Variants in MRPL39 observed in about 807,000 individuals in gnomAD.
MRPL39 encodes large ribosomal subunit protein mL39.
In MRPL39, 35 loss-of-function variants were observed where a neutral mutation model predicts 44.5. The ratio of observed to expected loss-of-function variants is 0.79; its 90% CI spans 0.60 to 1.04. The LOEUF (loss-of-function observed/expected upper bound fraction) is 1.04, where lower values mean the gene tolerates loss of function less well. Among genes scored for constraint, MRPL39 ranks in the 50% least tolerant of loss-of-function variants. The pLI, the probability that MRPL39 is intolerant of heterozygous loss-of-function variation, is 0.00. For missense variants in MRPL39, 433 were observed against 413.5 expected (o/e 1.05, Z -0.41); for synonymous variants, 139 against 136.1 (o/e 1.02, Z -0.15).
chr21:25,607,601 C>CG, upstream of MRPL39: 2 of 930,952 alleles, frequency 2.1e-6, no homozygotes, highest in South Asian at 1.7e-5. Flanking sequence ...TCGCCTCCAC[C>CG]GGGGGGCGTC....
intron 6 of MRPL39, among the ~76,000 whole-genome samples, chr21:25,596,081 T>C (rs1377957300): frequency 6.6e-6 from 1 of 152,244 alleles, no homozygotes; most frequent in Non-Finnish European, 1.5e-5. Context: ...TGGGAGACCG[T>C]TGAGTGCGAT....
In MRPL39 at chr21:25,604,053, T is replaced by C. The variant is rs1308813926; in HGVS notation, c.281-118A>G. ...GCAAGATTCTGCAGACTGTCCTTTTTAGAGAAAAAAAGTATATTACGTCTA... is the reference window on the plus strand; with the variant it reads ...GCAAGATTCTGCAGACTGTCCTTTTCAGAGAAAAAAAGTATATTACGTCTA... On this transcript the variant is annotated intron_variant, in intron 2 of 9. Coordinates refer to ENST00000352957, the MANE Select transcript of MRPL39 (RefSeq NM_017446.4). The C allele has an allele frequency of 2.2e-5, 22 of 985,276 alleles. No individual in the cohort carries two copies. The Admixed American group carries it at 5.2e-4, about 23-fold the overall frequency. The allele number at this position is 985,276 out of a possible 1,614,324, so 61.0% of individuals were successfully genotyped here. A position where few individuals can be genotyped will look rare whatever the true frequency, so the allele number is the denominator to read the frequency against.
chr21:25,588,037 C>T (rs1009442387), intron 9 of MRPL39, among the ~76,000 whole-genome samples: 4 of 152,166 alleles, frequency 2.6e-5, no homozygotes, highest in South Asian at 2.1e-4. Context: ...CCGGGCCGGG[C>T]GCGGTGGCTC....
intron 8 of MRPL39, among the ~76,000 whole-genome samples, chr21:25,590,973 A>G (rs901279844): frequency 6.6e-6 from 1 of 152,178 alleles, no homozygotes; most frequent in African/African-American, 2.4e-5. Context: ...ATAGGCCTAC[A>G]TAAATATGCT....
chr21:25,607,607 G>A, upstream of MRPL39: 1 of 878,500 alleles, frequency 1.1e-6, no homozygotes, highest in Non-Finnish European at 1.7e-6. Context: ...CCACCGGGGG[G>A]CGTCAGGCCT....
chr21:25,592,552 T>C (rs929263438), intron 8 of MRPL39, among the ~76,000 whole-genome samples: 1 of 152,120 alleles, frequency 6.6e-6, no homozygotes, highest in East Asian at 1.9e-4. Context: ...ACCCCCTCTG[T>C]CAATGTACCC....
intron 4 of MRPL39, among the ~76,000 whole-genome samples, chr21:25,601,013 C>A (rs138444400): frequency 6.6e-6 from 1 of 152,058 alleles, no homozygotes; most frequent in African/African-American, 2.4e-5. Flanking sequence ...GAGGGTGAGG[C>A]GGGAGAATGG....
At chr21:25,597,014 C>T (rs907329502) in intron 6 of MRPL39, among the ~76,000 whole-genome samples, 2 of 152,012 alleles carry the variant, frequency 1.3e-5, no homozygotes, top group African/African-American at 2.4e-5. Flanking sequence ...AGTCGCTTAA[C>T]GTACATTATC....
At chr21:25,607,630 A>G (rs959561609), upstream of MRPL39, 4 of 723,672 alleles carry the variant, frequency 5.5e-6, no homozygotes, top group African/African-American at 7.1e-5. Context: ...CTGGGGATTC[A>G]GTGGCTGAGA....
intron 3 of MRPL39, among the ~76,000 whole-genome samples, chr21:25,603,429 G>C (rs1259882821): frequency 6.6e-6 from 1 of 152,076 alleles, no homozygotes; most frequent in Non-Finnish European, 1.5e-5. Flanking sequence ...AAAAAATAGT[G>C]GGGGGATGGG....
rs1291879540 is a variant in MRPL39, at chr21:25,599,967, C to T, written c.521-101G>A. 3.5e-6 allele frequency: 3 copies of T among 851,648 alleles called. No homozygotes were observed. In the Admixed American group the frequency reaches 5.9e-5, roughly 17 times the overall value. 52.8% of individuals were successfully genotyped at this position (851,648 alleles called of 1,614,324 possible). On this transcript the variant is annotated intron_variant, in intron 4 of 9. Transcript: ENST00000352957. Reference sequence around the variant, plus strand: ...ATTTAGACCATAAAAAGGATTAGCACTCTCTCCCAACTCTACAAATTATAA... The same window carrying T: ...ATTTAGACCATAAAAAGGATTAGCATTCTCTCCCAACTCTACAAATTATAA...
chr21:25,590,512 G>A (rs965835962), intron 8 of MRPL39, among the ~76,000 whole-genome samples: 3 of 152,152 alleles, frequency 2.0e-5, no homozygotes, highest in African/African-American at 7.2e-5. Flanking sequence ...TGAGTTAAAG[G>A]ATGATCCCAT....
intron 6 of MRPL39, among the ~76,000 whole-genome samples, chr21:25,594,211 C>T (rs1439561633): frequency 1.3e-5 from 2 of 149,460 alleles, no homozygotes; most frequent in Non-Finnish European, 3.0e-5. Context: ...ACCTCCACTT[C>T]TCAATGTGTT....
intron 1 of MRPL39, among the ~76,000 whole-genome samples, chr21:25,607,076 G>T (rs28409843): frequency 0.02 from 2,978 of 152,358 alleles, 88 homozygotes; most frequent in African/African-American, 0.067. Flanking sequence ...CAGGGAACCT[G>T]CCAAGGCAAG....
chr21:25,585,729 G>T lies in MRPL39; in HGVS notation c.995C>A (p.Thr332Lys). 1.3e-6 allele frequency: 2 copies of T among 1,569,796 alleles called. No individual in the cohort carries two copies. The highest frequency in any genetic ancestry group is 1.7e-6 in the Non-Finnish European group (2 of 1,150,708). The change falls in exon 10 of 10, where the codon ACA (threonine) becomes AAA (lysine). Residue 332 changes from threonine to lysine, a missense_variant. Transcript: ENST00000352957. Reference sequence around the variant, plus strand: ...TTATTAGGTAGATGTACATTCCTCTGTTGCTTTACTTTGATCTTCAGTTAC... The same window carrying T: ...TTATTAGGTAGATGTACATTCCTCTTTTGCTTTACTTTGATCTTCAGTTAC... ...KMVTEDQSKATEECTST is the reference protein window; with the variant it reads ...KMVTEDQSKAKEECTST
chr21:25,601,412 T>C lies in MRPL39; in HGVS notation c.476A>G (p.Lys159Arg). The C allele has an allele frequency of 6.2e-7, 1 of 1,611,326 alleles. No individual in the cohort carries two copies. Among genetic ancestry groups the C allele is most frequent in the Non-Finnish European group, 8.5e-7 (1 of 1,178,420 alleles). ...MMGCVIERAF[K>R]DEYMVNLVRA... Reference sequence around the variant, plus strand: ...GACCAAATTGACCATATATTCATCTTTGAATGCCCTCTCTATCACACAGCC... The same window carrying C: ...GACCAAATTGACCATATATTCATCTCTGAATGCCCTCTCTATCACACAGCC... The change falls in exon 4 of 10, where the codon AAA (lysine) becomes AGA (arginine). Residue 159 changes from lysine (K) to arginine (R), a missense_variant. Physicochemically the swap from Lys to Arg is conservative, Grantham distance 26. Transcript: ENST00000352957.
Position 25,606,521 on chromosome 21 carries a change from C to T in MRPL39, c.208G>A (p.Val70Ile), listed in dbSNP as rs1011358717. Reference sequence around the variant, plus strand: ...ACAGTACCGGGGTCAGTTTTCCCAACATGCTTAACTTCTATCTTCTCAGTT... The same window carrying T: ...ACAGTACCGGGGTCAGTTTTCCCAATATGCTTAACTTCTATCTTCTCAGTT... ...PRTEKIEVKH[V>I]GKTDPGTVFV... is the part of the protein sequence containing the mutation. Residue 70 changes from valine to isoleucine, a missense_variant, in exon 2 of 10, where the codon GTT becomes ATT. Transcript: ENST00000352957. The T allele has an allele frequency of 4.3e-6, 7 of 1,613,966 alleles. No homozygotes were observed. The Admixed American group carries it at 5.0e-5, about 12-fold the overall frequency.
In MRPL39 at chr21:25,599,868, T is replaced by C; in HGVS notation, c.521-2A>G. 1 of 1,612,700 alleles carries C rather than the reference T, an allele frequency of 6.2e-7. No homozygotes were observed. The highest frequency in any genetic ancestry group is 8.5e-7 in the Non-Finnish European group (1 of 1,179,146). The stretch of plus-strand genomic sequence containing the variant: ...CATAACAGAAGGCACCAGAAATTAC[T>C]GTAAATCCAACCAAAATAAAAAGCA... On this transcript the variant is annotated splice_acceptor_variant, in intron 4 of 9. Transcript: ENST00000352957. LOFTEE classifies it high-confidence loss of function.
Position 25,606,582 on chromosome 21 carries a change from A to G in MRPL39, c.147T>C (p.Asn49=). 6.2e-7 allele frequency: 1 copy of G among 1,613,952 alleles called. No individual in the cohort carries two copies. The highest frequency in any genetic ancestry group is 8.5e-7 in the Non-Finnish European group (1 of 1,179,870). ...ELTEMRNDLF[N]KEKARQLSLT... ...ATGATAACTGCCTGGCTTTCTCTTTATTAAAGAGATCATTCCGCATTTCTG... is the reference window on the plus strand; with the variant it reads ...ATGATAACTGCCTGGCTTTCTCTTTGTTAAAGAGATCATTCCGCATTTCTG... Residue 49 remains asparagine (N), a synonymous_variant, in exon 2 of 10, where the codon AAT becomes AAC. Transcript: ENST00000352957.
Sources: allele counts gnomAD v4.1 joint callset (sites outside exome capture counted in the v4.1 genomes callset), GRCh38; gene constraint gnomAD v4.1.1; transcripts MANE v1.5; gene names NCBI Gene and HGNC (gene_info 2026-07-23, HGNC 2026-07-21).